Variants in DOCK1 observed in about 807,000 individuals in gnomAD.
The protein encoded by DOCK1 is dedicator of cytokinesis 1.
DOCK1 carries 138 observed loss-of-function variants against 262.7 expected under a neutral mutation model. The ratio of observed to expected loss-of-function variants is 0.53; its 90% CI spans 0.46 to 0.61. DOCK1 has a LOEUF of 0.61. Among genes scored for constraint, DOCK1 ranks in the 20% least tolerant of loss-of-function variants. The pLI is 0.00. For synonymous variants in DOCK1, 866 were observed against 867.4 expected, an observed-to-expected ratio of 1.00 and a Z score of 0.03; for missense variants, 1,908 against 2,370.7, an observed-to-expected ratio of 0.80 and a Z score of 4.05.
At chr10:127,288,475 C>A (rs555702619) in intron 29 of DOCK1, among the ~76,000 whole-genome samples, 3 of 151,766 alleles carry the variant, frequency 2.0e-5, no homozygotes, top group South Asian at 4.2e-4. Flanking sequence ...AATACATTTT[C>A]TTTTTTTTAA....
intron 48 of DOCK1, among the ~76,000 whole-genome samples, chr10:127,435,529 G>A (rs2069626251): frequency 1.3e-5 from 2 of 152,186 alleles, no homozygotes; most frequent in Non-Finnish European, 2.9e-5. Flanking sequence ...TAAATCATGT[G>A]TGCTTGTCAC....
At chr10:127,196,523 G>C (rs942479430) in intron 27 of DOCK1, among the ~76,000 whole-genome samples, 6 of 147,900 alleles carry the variant, frequency 4.1e-5, no homozygotes, top group African/African-American at 1.5e-4. Flanking sequence ...GGCGGCCAGA[G>C]GCGAGGGCGC....
In DOCK1 at chr10:126,951,735, C is replaced by T. The variant is rs987884016; in HGVS notation, c.47-18967C>T. Among the ~76,000 whole-genome samples, 795 of 151,952 alleles carry T rather than the reference C, an allele frequency of 5.2e-3. 12 individuals are homozygous for T. Among genetic ancestry groups the T allele is most frequent in the African/African-American group, 0.018 (759 of 41,464 alleles). On this transcript the variant is annotated intron_variant, in intron 1 of 51. Coordinates refer to ENST00000623213, the MANE Select transcript of DOCK1 (RefSeq NM_001290223.2). ...AAGAATAGAGCCTGGAGGCAGAAGA[C>T]CTAAGGACTTCCTAGAACTAAATCA...
intron 6 of DOCK1, among the ~76,000 whole-genome samples, chr10:126,990,995 GTTCTGAGCA>G (rs2039745838): frequency 6.6e-6 from 1 of 152,214 alleles, no homozygotes; most frequent in Middle Eastern, 3.2e-3. Flanking sequence ...GGAATCCCAG[GTTCTGAGCA>G]TTGGAGTGGA....
intron 27 of DOCK1, among the ~76,000 whole-genome samples, chr10:127,146,546 A>G (rs972056338): frequency 1.3e-5 from 2 of 152,176 alleles, no homozygotes; most frequent in Non-Finnish European, 2.9e-5. Context: ...AAACAAAAGT[A>G]TTTCCTTACC....
intron 1 of DOCK1, among the ~76,000 whole-genome samples, chr10:126,924,941 G>A (rs1318962687): frequency 1.3e-5 from 2 of 152,238 alleles, no homozygotes; most frequent in East Asian, 1.9e-4. Context: ...TACAAACTCA[G>A]TATTTGACTT....
intron 27 of DOCK1, among the ~76,000 whole-genome samples, chr10:127,147,505 A>C (rs2247259): frequency 6.6e-6 from 1 of 151,992 alleles, no homozygotes; most frequent in Non-Finnish European, 1.5e-5. Flanking sequence ...CTCACCTTCC[A>C]TACAGAGGGC....
chr10:127,091,062 A>G (rs2136096568), intron 23 of DOCK1, among the ~76,000 whole-genome samples: 1 of 149,502 alleles, frequency 6.7e-6, no homozygotes, highest in East Asian at 2.0e-4. Flanking sequence ...GCTCACTGCA[A>G]GCTCTGCCTC....
chr10:127,112,242 C>A (rs1323227654), intron 25 of DOCK1, among the ~76,000 whole-genome samples: 2 of 152,148 alleles, frequency 1.3e-5, no homozygotes, highest in African/African-American at 4.8e-5. Context: ...AAACTACCGA[C>A]CTCAAATGAT....
At chr10:126,969,338 G>A (rs1014903652) in intron 1 of DOCK1, among the ~76,000 whole-genome samples, 4 of 152,198 alleles carry the variant, frequency 2.6e-5, no homozygotes, top group African/African-American at 9.6e-5. Flanking sequence ...ACACCAGGAG[G>A]CTGCGTGCGC....
intron 25 of DOCK1, 33 bp from the exon 26 acceptor site, chr10:127,125,441 T>C: frequency 6.2e-7 from 1 of 1,610,268 alleles, no homozygotes; most frequent in Middle Eastern, 2.2e-4. Context: ...TTGGTGGGTT[T>C]CACACTGACT....
chr10:127,007,559 T>C (rs1171351115), intron 10 of DOCK1: 3 of 152,218 alleles, frequency 2.0e-5, no homozygotes, highest in Non-Finnish European at 4.4e-5. Flanking sequence ...GGGGTTATTC[T>C]TGGACTTTCT....
intron 1 of DOCK1, among the ~76,000 whole-genome samples, chr10:126,930,789 G>A (rs925807517): frequency 1.1e-4 from 16 of 152,362 alleles, no homozygotes; most frequent in African/African-American, 3.1e-4. Flanking sequence ...GCAGAGAAGT[G>A]TGGACATCAG....
rs766805174 is a variant in DOCK1 at position 127,031,644 on chromosome 10, T to G, written c.1625-6T>G. 1.2e-6 allele frequency: 2 copies of G among 1,601,948 alleles called. No individual in the cohort carries two copies. Among genetic ancestry groups the G allele is most frequent in the South Asian group, 2.3e-5 (2 of 88,582 alleles). On this transcript the variant is annotated splice_region_variant and splice_polypyrimidine_tract_variant and intron_variant, in intron 16 of 51. Coordinates refer to ENST00000623213, the MANE Select transcript of DOCK1 (RefSeq NM_001290223.2). ...ATCATCAATTTTTTTGTTTTTTGTT[T>G]TACAGCTAAGGATAAATCTGAGAAA...
At chr10:127,419,639 C>T (rs778714361) in intron 45 of DOCK1, 27 bp from the exon 46 acceptor site, 10 of 1,581,178 alleles carry the variant, frequency 6.3e-6, no homozygotes, top group Non-Finnish European at 8.6e-6. Flanking sequence ...AGCAGGTGCA[C>T]TGAGCAACTC....
chr10:127,103,968 A>G (rs1403996514), intron 23 of DOCK1, among the ~76,000 whole-genome samples: 2 of 152,182 alleles, frequency 1.3e-5, no homozygotes, highest in Non-Finnish European at 2.9e-5. Flanking sequence ...CATGATTCTT[A>G]TAGATGTTGC....
chr10:126,963,217 T>G (rs1444735446), intron 1 of DOCK1, among the ~76,000 whole-genome samples: 1 of 152,190 alleles, frequency 6.6e-6, no homozygotes, highest in African/African-American at 2.4e-5. Flanking sequence ...AGATGGGTTT[T>G]TCTATTTCTG....
chr10:127,264,113 G>A (rs117739553), intron 29 of DOCK1, among the ~76,000 whole-genome samples: 25 of 152,290 alleles, frequency 1.6e-4, no homozygotes, highest in Non-Finnish European at 3.2e-4. Context: ...TTTCTTGTTC[G>A]TATTGACTAC....
intron 49 of DOCK1, among the ~76,000 whole-genome samples, chr10:127,443,696 T>C (rs2070342874): frequency 6.6e-6 from 1 of 152,132 alleles, no homozygotes. Flanking sequence ...GTGTATCTCT[T>C]AGGCATTCAT....
Sources: gnomAD v4.1 joint callset for allele counts (sites outside exome capture counted in the v4.1 genomes callset) on GRCh38, gnomAD v4.1.1 for gene constraint, MANE v1.5 for transcripts, NCBI Gene and HGNC (gene_info 2026-07-23, HGNC 2026-07-21) for gene names.